MAGT1: variants seen among roughly 807,000 people sequenced by gnomAD.
The protein encoded by MAGT1 is dolichyl-diphosphooligosaccharide--protein glycosyltransferase subunit MAGT1.
A neutral mutation model predicts 28.4 loss-of-function variants in MAGT1; 4 were observed. The ratio of observed to expected loss-of-function variants is 0.14; its 90% CI spans 0.07 to 0.32. The LOEUF (loss-of-function observed/expected upper bound fraction) is 0.32, where lower values mean the gene tolerates loss of function less well. Among genes scored for constraint, MAGT1 ranks in the 10% least tolerant of loss-of-function variants. MAGT1 has a pLI of 1.00. For missense variants in MAGT1, 193 were observed against 264.5 expected (o/e 0.73, Z 1.88); for synonymous variants, 89 against 89.7 (o/e 0.99, Z 0.04).
chrX:77,864,931 C>T (rs1395555551), intron 3 of MAGT1, among the ~76,000 whole-genome samples: 1 of 111,792 alleles, frequency 8.9e-6, no homozygotes, highest in Admixed American at 9.5e-5. Context: ...AGGCTGGTGT[C>T]GAACTCCTGA....
chrX:77,893,026 C>A (rs1188328487), intron 1 of MAGT1, among the ~76,000 whole-genome samples: 1 of 111,236 alleles, frequency 9.0e-6, no homozygotes, highest in African/African-American at 3.3e-5. Flanking sequence ...GAGGCTCGCT[C>A]CTGTAATCTC....
chrX:77,880,084 C>T (rs2077047402), intron 1 of MAGT1, among the ~76,000 whole-genome samples: 1 of 104,523 alleles, frequency 9.6e-6, no homozygotes, highest in Admixed American at 1.0e-4. Context: ...AATGATCCAC[C>T]CGCCTCAGCC....
intron 7 of MAGT1, among the ~76,000 whole-genome samples, chrX:77,845,929 C>T (rs1029617828): frequency 6.3e-5 from 7 of 110,852 alleles, no homozygotes; most frequent in Non-Finnish European, 1.3e-4. Flanking sequence ...TTGCTCTTCT[C>T]GAGGAATATC....
At chrX:77,850,696 T>C (rs1457836763) in intron 7 of MAGT1, among the ~76,000 whole-genome samples, 1 of 111,041 alleles carries the variant, frequency 9.0e-6, no homozygotes, top group African/African-American at 3.3e-5. Context: ...CCGTTCCAAA[T>C]GTATACTAAA....
chrX:77,851,680 C>T (rs1285475816), intron 7 of MAGT1, among the ~76,000 whole-genome samples: 3 of 109,253 alleles, frequency 2.7e-5, no homozygotes, highest in East Asian at 5.9e-4. Flanking sequence ...GGCCGTCTGG[C>T]TAAGTTTTGT....
chrX:77,875,913 C>T (rs2077032154), intron 1 of MAGT1, among the ~76,000 whole-genome samples: 1 of 109,156 alleles, frequency 9.2e-6, no homozygotes, highest in East Asian at 2.9e-4. Flanking sequence ...CTCACTGTAG[C>T]CTTGACCTCC....
chrX:77,864,763 G>A (rs1395187002), intron 3 of MAGT1, among the ~76,000 whole-genome samples: 8 of 110,468 alleles, frequency 7.2e-5, no homozygotes, highest in African/African-American at 1.6e-4. Flanking sequence ...GGAGTGCAGC[G>A]GCTCACTACA....
intron 2 of MAGT1, among the ~76,000 whole-genome samples, chrX:77,874,914 G>A (rs2077029284): frequency 9.2e-6 from 1 of 108,641 alleles, no homozygotes; most frequent in Non-Finnish European, 1.9e-5. Context: ...GAGTGCAGTG[G>A]CGCAAGCTTG....
intron 1 of MAGT1, among the ~76,000 whole-genome samples, chrX:77,880,583 G>A (rs1557218321): frequency 9.1e-6 from 1 of 110,131 alleles, no homozygotes; most frequent in African/African-American, 3.3e-5. Context: ...ATTCTGGTAA[G>A]GGCCACAAAA....
At chrX:77,858,379 C>G (rs2076986484) in intron 3 of MAGT1, among the ~76,000 whole-genome samples, 1 of 110,561 alleles carries the variant, frequency 9.0e-6, no homozygotes, top group Admixed American at 9.8e-5. Context: ...TTAGTAGAGA[C>G]AGGGGTTCAC....
chrX:77,870,785 G>C (rs2077018643), intron 3 of MAGT1, 23 bp downstream of exon 3: 2 of 1,005,694 alleles, frequency 2.0e-6, no homozygotes, highest in African/African-American at 3.8e-5. Context: ...TTTTTATATA[G>C]CAGAATAAAC....
rs1260740587 is a variant in MAGT1, at chrX:77,830,877, A to G, written c.920T>C (p.Ile307Thr). Residue 307 changes from isoleucine to threonine, a missense_variant, in exon 9 of 10, where the codon ATT (isoleucine) becomes ACT (threonine). By Grantham distance (89) the Ile-to-Thr change is moderately conservative (BLOSUM62 -1). Coordinates refer to ENST00000618282, the MANE Select transcript of MAGT1 (RefSeq NM_001367916.1). ...ACTGAAGAATAATACAACAAGTCCAATACCAGCCACACACATTACTGCAGA... is the reference window on the plus strand; with the variant it reads ...ACTGAAGAATAATACAACAAGTCCAGTACCAGCCACACACATTACTGCAGA... ...GKRKIMCVAGIGLVVLFFSWM... is the reference protein window; with the variant it reads ...GKRKIMCVAGTGLVVLFFSWM... The G allele has an allele frequency of 8.7e-7, 1 of 1,145,828 alleles. No homozygotes were observed. Among genetic ancestry groups the G allele is most frequent in the Non-Finnish European group, 1.2e-6 (1 of 852,567 alleles). The allele number at this position is 1,145,828 out of a possible 1,213,427, so 94.4% of individuals were successfully genotyped here. A position where few individuals can be genotyped will look rare whatever the true frequency, so the allele number is the denominator to read the frequency against.
At chrX:77,831,594 CTTTT>C (rs67369107) in intron 8 of MAGT1, among the ~76,000 whole-genome samples, 12 of 91,291 alleles carry the variant, frequency 1.3e-4, no homozygotes, top group African/African-American at 3.1e-4. Context: ...TTTTGGTTTT[CTTTT>C]TTTTTTTTTT....
intron 3 of MAGT1, among the ~76,000 whole-genome samples, chrX:77,865,127 A>C (rs1475774717): frequency 2.7e-5 from 3 of 111,992 alleles, no homozygotes; most frequent in Non-Finnish European, 5.6e-5. Flanking sequence ...GGAGATGGCT[A>C]AGTGAGACTG....
chrX:77,855,689 T>C (rs782113505), intron 5 of MAGT1, 99 bp from the exon 6 acceptor site: 22 of 594,443 alleles, frequency 3.7e-5, no homozygotes, highest in East Asian at 7.3e-5. Context: ...AGTTAAGACA[T>C]AGAATTTTTT....
chrX:77,885,863 C>T (rs1294106893), intron 1 of MAGT1, among the ~76,000 whole-genome samples: 1 of 111,287 alleles, frequency 9.0e-6, no homozygotes, highest in Non-Finnish European at 1.9e-5. Context: ...GCCTGTAATC[C>T]CAGCTTCTTG....
At chrX:77,852,262 T>C (rs966361606) in intron 7 of MAGT1, among the ~76,000 whole-genome samples, 8 of 112,553 alleles carry the variant, frequency 7.1e-5, no homozygotes, top group Non-Finnish European at 1.1e-4. Context: ...AGCCCACCAT[T>C]TCATGGTTGA....
At chrX:77,881,360 C>T (rs2077051854) in intron 1 of MAGT1, among the ~76,000 whole-genome samples, 1 of 109,340 alleles carries the variant, frequency 9.1e-6, no homozygotes, top group African/African-American at 3.3e-5. Flanking sequence ...TGGTGTGCTG[C>T]ACCCATTAAC....
chrX:77,870,770 A>G (rs782430004), intron 3 of MAGT1, 38 bp downstream of exon 3: 1 of 904,049 alleles, frequency 1.1e-6, no homozygotes, highest in African/African-American at 2.0e-5. Flanking sequence ...ACTATATTTT[A>G]CCTATTTTTA....
Sources: gnomAD v4.1 joint callset for allele counts (sites outside exome capture counted in the v4.1 genomes callset) on GRCh38, gnomAD v4.1.1 for gene constraint, MANE v1.5 for transcripts, NCBI Gene and HGNC (gene_info 2026-07-23, HGNC 2026-07-21) for gene names.